Variants in PMM2 observed in about 807,000 individuals in gnomAD.
The protein encoded by PMM2 is phosphomannomutase 2, also known as mannose-6-phosphate isomerase.
Under a neutral mutation model 33.2 loss-of-function variants are expected in PMM2, and 35 were observed. The ratio of observed to expected loss-of-function variants is 1.06; its 90% CI spans 0.81 to 1.40. The LOEUF (loss-of-function observed/expected upper bound fraction) is 1.40, where lower values mean the gene tolerates loss of function less well. Ranked by LOEUF, PMM2 falls within the 40% of genes most tolerant of loss-of-function variation. The pLI, the probability that PMM2 is intolerant of heterozygous loss-of-function variation, is 0.00. For synonymous variants in PMM2, 153 were observed against 114.7 expected, an observed-to-expected ratio of 1.33 and a Z score of -2.13; for missense variants, 386 against 306.0, an observed-to-expected ratio of 1.26 and a Z score of -1.95.
At chr16:8,813,783 G>A (rs2060691235) in intron 7 of PMM2, among the ~76,000 whole-genome samples, 1 of 151,838 alleles carries the variant, frequency 6.6e-6, no homozygotes, top group Non-Finnish European at 1.5e-5. Context: ...GGAGGTCAGA[G>A]AGGCGTTGCT....
Position 8,848,043 on chromosome 16 carries a change from C to A in PMM2, c.*218C>A. On this transcript the variant is annotated 3_prime_UTR_variant, in exon 8 of 8. Transcript: ENST00000268261. ...TCAAGAATGGCCCAGAGGAATGCCT[C>A]GCACAAAAGGTCTTCCCCACCCACC... 1.8e-6 allele frequency: 1 copy of A among 561,296 alleles called. No homozygotes were observed. The highest frequency in any genetic ancestry group is 3.2e-6 in the Non-Finnish European group (1 of 310,020). 34.8% of individuals were successfully genotyped at this position (561,296 alleles called of 1,614,324 possible).
In PMM2 at chr16:8,801,839, G is replaced by T; in HGVS notation, c.107G>T (p.Arg36Met). The change falls in exon 2 of 8, where the codon AGG becomes ATG. Residue 36 changes from arginine (R) to methionine (M), a missense_variant. Coordinates refer to ENST00000268261, the MANE Select transcript of PMM2 (RefSeq NM_000303.3). ...ATGGATGACTTCCTACAAAAATTGA[G>T]GCAGAAGATCAAAATCGGAGTGGTA... ...KEMDDFLQKLRQKIKIGVVGG... is the reference protein window; with the variant it reads ...KEMDDFLQKLMQKIKIGVVGG... The T allele has an allele frequency of 6.2e-7, 1 of 1,612,104 alleles. No homozygotes were observed. Among genetic ancestry groups the T allele is most frequent in the South Asian group, 1.1e-5 (1 of 90,958 alleles).
At chr16:8,824,003 C>G (rs950321352) in intron 7 of PMM2, among the ~76,000 whole-genome samples, 1 of 152,180 alleles carries the variant, frequency 6.6e-6, no homozygotes, top group African/African-American at 2.4e-5. Context: ...ATTGTTACTG[C>G]CCTTGCACAA....
chr16:8,847,083 C>T (rs2060930704), intron 7 of PMM2, among the ~76,000 whole-genome samples: 1 of 152,144 alleles, frequency 6.6e-6, no homozygotes, highest in Non-Finnish European at 1.5e-5. Context: ...AGGTTGGTCT[C>T]AAATTCCTGA....
chr16:8,803,415 G>A (rs1010609896), intron 2 of PMM2, among the ~76,000 whole-genome samples: 11 of 152,196 alleles, frequency 7.2e-5, no homozygotes, highest in Non-Finnish European at 1.6e-4. Flanking sequence ...GAAGTTTTGT[G>A]TAGTGTAGCA....
chr16:8,843,652 G>T (rs1360227432), intron 7 of PMM2, among the ~76,000 whole-genome samples: 5 of 152,162 alleles, frequency 3.3e-5, no homozygotes, highest in African/African-American at 4.8e-5. Context: ...CACAGTGGAG[G>T]CAAGGAATTG....
chr16:8,841,596 A>T (rs1345258557), intron 7 of PMM2, among the ~76,000 whole-genome samples: 1 of 147,180 alleles, frequency 6.8e-6, no homozygotes, highest in East Asian at 2.0e-4. Flanking sequence ...GAGAGGTTCT[A>T]AGAGGCGGGC....
chr16:8,844,041 G>C lies in PMM2; in HGVS notation c.640-3683G>C, dbSNP rs189201301. On this transcript the variant is annotated intron_variant, in intron 7 of 7. Coordinates refer to ENST00000268261, the MANE Select transcript of PMM2 (RefSeq NM_000303.3). Reference sequence around the variant, plus strand: ...GTGTAAAAGAATGCCTGGACATCAGGCACCTCAGACTGTTTGCCCATTTTA... The same window carrying C: ...GTGTAAAAGAATGCCTGGACATCAGCCACCTCAGACTGTTTGCCCATTTTA... Among the ~76,000 whole-genome samples, 913 of 152,248 alleles carry C rather than the reference G, an allele frequency of 6.0e-3. 4 individuals are homozygous for C. Among genetic ancestry groups the C allele is most frequent in the African/African-American group, 0.017 (708 of 41,536 alleles).
intron 4 of PMM2, chr16:8,807,036 C>G (rs371064145): frequency 6.5e-6 from 1 of 154,088 alleles, no homozygotes; most frequent in Non-Finnish European, 1.4e-5. Flanking sequence ...ACTCTGTGGC[C>G]GAGGCTGGAG....
intron 7 of PMM2, among the ~76,000 whole-genome samples, chr16:8,821,088 G>C (rs1388456388): frequency 6.6e-6 from 1 of 152,188 alleles, no homozygotes; most frequent in East Asian, 1.9e-4. Flanking sequence ...GGATAGATCT[G>C]TCTTACTACT....
chr16:8,825,168 C>G (rs1253693121), intron 7 of PMM2, among the ~76,000 whole-genome samples: 4 of 151,906 alleles, frequency 2.6e-5, no homozygotes, highest in East Asian at 1.9e-4. Context: ...GTAGCTGGGA[C>G]TACAGGCGTG....
At chr16:8,820,368 T>TTTTTTTTTTTTTTTTG in intron 7 of PMM2, among the ~76,000 whole-genome samples, 1 of 146,554 alleles carries the variant, frequency 6.8e-6, no homozygotes, top group African/African-American at 2.5e-5. Flanking sequence ...TTTTTTTTTT[T>TTTTTTTTTTTTTTTTG]CCTGAGACAA....
chr16:8,836,036 A>G (rs557642120), intron 7 of PMM2, among the ~76,000 whole-genome samples: 2 of 151,366 alleles, frequency 1.3e-5, no homozygotes, highest in Non-Finnish European at 3.0e-5. Context: ...AGGAGTGCTT[A>G]AAAGAGTAAT....
At chr16:8,832,465 C>G in intron 7 of PMM2, 1 of 985,428 alleles carries the variant, frequency 1.0e-6, no homozygotes, top group Non-Finnish European at 1.2e-6. Context: ...CAGCCCCCAG[C>G]AGGACCACGG....
In PMM2 at chr16:8,835,930, A is replaced by G. The variant is rs916057232; in HGVS notation, c.640-11794A>G. 9.9e-5 allele frequency among the ~76,000 whole-genome samples: 15 copies of G among 151,804 alleles called. 1 individual carries two copies. The highest frequency in any genetic ancestry group is 2.7e-4 in the African/African-American group (11 of 41,354). ...CTTTGGATTGGGAAGAAGGGCGGCA[A>G]TGAGATGTAGCTGTAGTTCAGGAAT... On this transcript the variant is annotated intron_variant, in intron 7 of 7. Coordinates refer to ENST00000268261, the MANE Select transcript of PMM2 (RefSeq NM_000303.3).
chr16:8,841,373 A>G (rs906738381), intron 7 of PMM2, among the ~76,000 whole-genome samples: 2 of 151,152 alleles, frequency 1.3e-5, no homozygotes, highest in African/African-American at 4.9e-5. Context: ...TTATCTAGTG[A>G]AAGTGTCTAC....
At chr16:8,842,444 C>G (rs2060896595) in intron 7 of PMM2, 1 of 152,226 alleles carries the variant, frequency 6.6e-6, no homozygotes, top group Admixed American at 6.5e-5. Context: ...GTAATGAGGG[C>G]TGTCCCTGAA....
chr16:8,841,688 C>T (rs1234899159), intron 7 of PMM2, among the ~76,000 whole-genome samples: 9 of 136,370 alleles, frequency 6.6e-5, no homozygotes, highest in East Asian at 4.3e-4. Context: ...ATAAATCAAG[C>T]GTGATCAGGG....
intron 7 of PMM2, among the ~76,000 whole-genome samples, chr16:8,844,850 T>C (rs1160529547): frequency 6.6e-6 from 1 of 151,098 alleles, no homozygotes; most frequent in Non-Finnish European, 1.5e-5. Flanking sequence ...GATAGGGAGG[T>C]TGGAGAAGAG....
Sources: allele counts gnomAD v4.1 joint callset (sites outside exome capture counted in the v4.1 genomes callset), GRCh38; gene constraint gnomAD v4.1.1; transcripts MANE v1.5; gene names NCBI Gene and HGNC (gene_info 2026-07-23, HGNC 2026-07-21).